Variants in ACKR2 observed in about 807,000 individuals in gnomAD.
The protein encoded by ACKR2 is atypical chemokine receptor 2.
For synonymous variants in ACKR2, 207 were observed against 192.2 expected (o/e 1.08, Z -0.64); for missense variants, 457 against 477.3 (o/e 0.96, Z 0.40).
intron 1 of ACKR2, among the ~76,000 whole-genome samples, chr3:42,812,322 A>G (rs1700704958): frequency 6.6e-6 from 1 of 152,216 alleles, no homozygotes; most frequent in Non-Finnish European, 1.5e-5. Context: ...CTAGATAGTC[A>G]TACTTTCTAA....
intron 2 of ACKR2, among the ~76,000 whole-genome samples, chr3:42,822,712 C>T (rs755640077): frequency 6.9e-6 from 1 of 144,176 alleles, no homozygotes; most frequent in Non-Finnish European, 1.5e-5. Context: ...ATTACCCAGG[C>T]GTGGTGGTGC....
At chr3:42,836,145 T>C (rs1451606138) in intron 2 of ACKR2, among the ~76,000 whole-genome samples, 1 of 152,182 alleles carries the variant, frequency 6.6e-6, no homozygotes, top group Non-Finnish European at 1.5e-5. Flanking sequence ...TCACGTATTA[T>C]GGAACAATTT....
intron 2 of ACKR2, among the ~76,000 whole-genome samples, chr3:42,824,458 A>G (rs1416472121): frequency 7.9e-5 from 12 of 152,202 alleles, no homozygotes; most frequent in Non-Finnish European, 2.9e-5. Flanking sequence ...TAAAATCAGA[A>G]CATTTTTCAT....
chr3:42,864,532 C>G lies in ACKR2; in HGVS notation c.30C>G (p.Leu10=), dbSNP rs1293866467. The change falls in exon 3 of 3, where the codon CTC becomes CTG. Residue 10 remains leucine (L), a synonymous_variant. Transcript: ENST00000422265. ...CCGCCACTGCCTCTCCGCAGCCACTCGCCACTGAGGATGCCGATTCTGAGA... is the reference window on the plus strand; with the variant it reads ...CCGCCACTGCCTCTCCGCAGCCACTGGCCACTGAGGATGCCGATTCTGAGA... MAATASPQP[L]ATEDADSENS... is the part of the protein sequence containing the mutation. The G allele has an allele frequency of 9.3e-6, 15 of 1,608,270 alleles. No individual in the cohort carries two copies. The highest frequency in any genetic ancestry group is 1.3e-5 in the Non-Finnish European group (15 of 1,176,064).
In ACKR2 at chr3:42,865,128, T is replaced by A. The variant is rs770288240; in HGVS notation, c.626T>A (p.Phe209Tyr). 2 of 1,614,022 alleles carry A rather than the reference T, an allele frequency of 1.2e-6. No homozygotes were observed. The highest frequency in any genetic ancestry group is 1.7e-6 in the Non-Finnish European group (2 of 1,179,970). ...GGGCATGGGACCATTTGGAAGCTCT[T>A]CCTCCGCTTCCAGCAGAACCTCCTA... ...FGGHGTIWKL[F>Y]LRFQQNLLGF... The change falls in exon 3 of 3, where the codon TTC (phenylalanine) becomes TAC (tyrosine). Residue 209 changes from phenylalanine (F) to tyrosine (Y), a missense_variant. By Grantham distance (22) the Phe-to-Tyr change is conservative. Transcript: ENST00000422265.
In ACKR2 at chr3:42,859,066, T is replaced by G. The variant is rs544102687; in HGVS notation, c.-37-5400T>G. ...TACGTTTGATTGGTGTACCTGAAAG[T>G]GACGGAGGGAATGGAACCAAGTTGG... On this transcript the variant is annotated intron_variant, in intron 2 of 2. Coordinates refer to ENST00000422265, the MANE Select transcript of ACKR2 (RefSeq NM_001296.5). Among the ~76,000 whole-genome samples the G allele has an allele frequency of 1.1e-3, 175 of 152,210 alleles. 1 individual carries two copies. Among genetic ancestry groups the G allele is most frequent in the South Asian group, 8.1e-3 (39 of 4,824 alleles).
intron 2 of ACKR2, among the ~76,000 whole-genome samples, chr3:42,820,965 A>G (rs1051817801): frequency 6.6e-6 from 1 of 150,936 alleles, no homozygotes; most frequent in Non-Finnish European, 1.5e-5. Flanking sequence ...GCTCACTGCC[A>G]TGTCCGCCTC....
At chr3:42,861,052 C>CA (rs1453443728) in intron 2 of ACKR2, among the ~76,000 whole-genome samples, 1 of 151,974 alleles carries the variant, frequency 6.6e-6, no homozygotes. Context: ...AAAAACCCTT[C>CA]AAAAAATCAA....
intron 2 of ACKR2, among the ~76,000 whole-genome samples, chr3:42,854,113 A>C (rs1250362855): frequency 1.3e-5 from 2 of 152,180 alleles, no homozygotes; most frequent in East Asian, 1.9e-4. Flanking sequence ...GGAGACACAA[A>C]AGAGGGTTCG....
intron 2 of ACKR2, among the ~76,000 whole-genome samples, chr3:42,845,161 A>G (rs1701080333): frequency 1.3e-5 from 2 of 152,106 alleles, no homozygotes; most frequent in Non-Finnish European, 2.9e-5. Context: ...GTGTCCCTCT[A>G]ATGTTTAGAC....
At chr3:42,838,074 A>T (rs76047673) in intron 2 of ACKR2, among the ~76,000 whole-genome samples, 10,570 of 152,242 alleles carry the variant, frequency 0.069, 840 homozygotes, top group African/African-American at 0.19. Flanking sequence ...AAAACCTAAA[A>T]TTATAAAATT....
chr3:42,817,536 G>A (rs1350577668), intron 1 of ACKR2, among the ~76,000 whole-genome samples: 1 of 152,100 alleles, frequency 6.6e-6, no homozygotes, highest in East Asian at 1.9e-4. Context: ...GAATCTGTCA[G>A]CTTTTTGCTC....
chr3:42,831,251 T>C (rs1700929141), intron 2 of ACKR2, among the ~76,000 whole-genome samples: 1 of 152,138 alleles, frequency 6.6e-6, no homozygotes, highest in Non-Finnish European at 1.5e-5. Flanking sequence ...GGAAAATTCT[T>C]TTCAGTGAAA....
intron 2 of ACKR2, among the ~76,000 whole-genome samples, chr3:42,830,690 C>CT (rs71288037): frequency 0.3 from 44,490 of 147,952 alleles, 7,760 homozygotes; most frequent in East Asian, 0.66. Flanking sequence ...TTTTTCTTTT[C>CT]TTTTTTTTTT....
At chr3:42,837,352 G>A (rs1321449778) in intron 2 of ACKR2, among the ~76,000 whole-genome samples, 1 of 152,102 alleles carries the variant, frequency 6.6e-6, no homozygotes, top group Non-Finnish European at 1.5e-5. Context: ...GAGTAGCTGG[G>A]ACTACAGGTG....
At chr3:42,813,089 A>C (rs896187733) in intron 1 of ACKR2, among the ~76,000 whole-genome samples, 3 of 152,226 alleles carry the variant, frequency 2.0e-5, no homozygotes, top group Non-Finnish European at 2.9e-5. Context: ...AATTTGATTA[A>C]AATAAAGCTC....
At chr3:42,843,280 A>T (rs1280048488) in intron 2 of ACKR2, among the ~76,000 whole-genome samples, 1 of 151,700 alleles carries the variant, frequency 6.6e-6, no homozygotes. Context: ...CATGTTGGCC[A>T]AGCTGGTCTC....
intron 1 of ACKR2, among the ~76,000 whole-genome samples, chr3:42,817,761 A>G (rs927968972): frequency 5.3e-5 from 8 of 152,122 alleles, no homozygotes; most frequent in Non-Finnish European, 1.2e-4. Context: ...TTGTCACGCT[A>G]CTGAAACAAC....
At chr3:42,822,813 C>CAAAAAAA (rs71072739) in intron 2 of ACKR2, among the ~76,000 whole-genome samples, 1 of 81,896 alleles carries the variant, frequency 1.2e-5, no homozygotes, top group Admixed American at 1.5e-4. Context: ...GACTCCAGCT[C>CAAAAAAA]AAAAAAAAAA....
Sources: allele counts gnomAD v4.1 joint callset (sites outside exome capture counted in the v4.1 genomes callset), GRCh38; gene constraint gnomAD v4.1.1; transcripts MANE v1.5; gene names NCBI Gene and HGNC (gene_info 2026-07-23, HGNC 2026-07-21).